PRKN: variants seen among roughly 807,000 people sequenced by gnomAD.
PRKN encodes parkin RBR E3 ubiquitin protein ligase, also known as E3 ubiquitin-protein ligase parkin.
A neutral mutation model predicts 59.5 loss-of-function variants in PRKN; 56 were observed. The observed-to-expected ratio is 0.94, with a 90% confidence interval of 0.76 to 1.18. PRKN has a LOEUF of 1.18. PRKN is among the 50% of genes most tolerant of loss of function. The probability of loss-of-function intolerance (pLI) is 0.00; values close to 1 mark genes in which losing one functional copy is unlikely to be tolerated. For missense variants in PRKN, 657 were observed against 596.4 expected (o/e 1.10, Z -1.06); for synonymous variants, 250 against 222.1 (o/e 1.13, Z -1.12).
chr6:162,028,085 T>TC (rs1217670272), intron 5 of PRKN, among the ~76,000 whole-genome samples: 1 of 152,164 alleles, frequency 6.6e-6, no homozygotes, highest in African/African-American at 2.4e-5. Flanking sequence ...AACTGTCATG[T>TC]CATTAGGCTT....
Position 162,709,992 on chromosome 6 carries a change from G to T in PRKN, c.7+17670C>A, listed in dbSNP as rs899827993. On this transcript the variant is annotated intron_variant, in intron 1 of 11. Coordinates refer to ENST00000366898, the MANE Select transcript of PRKN (RefSeq NM_004562.3). ...AAATGAGTATGTAAACGGAACCGTG[G>T]ATATTGCTCACTCATTCTCCTCCAC... Among the ~76,000 whole-genome samples the T allele has an allele frequency of 2.0e-5, 3 of 152,230 alleles. No individual in the cohort carries two copies. The South Asian group carries it at 6.2e-4, about 32-fold the overall frequency.
At chr6:162,081,248 T>C (rs749372374) in intron 4 of PRKN, among the ~76,000 whole-genome samples, 7 of 152,102 alleles carry the variant, frequency 4.6e-5, no homozygotes, top group Non-Finnish European at 1.0e-4. Flanking sequence ...GTGAATCGTT[T>C]CCAGAAAGTT....
intron 9 of PRKN, among the ~76,000 whole-genome samples, chr6:161,478,884 A>C (rs1011476424): frequency 2.6e-5 from 4 of 152,200 alleles, no homozygotes; most frequent in African/African-American, 9.6e-5. Context: ...ATAAACAAGT[A>C]AATAAGTTTT....
intron 7 of PRKN, among the ~76,000 whole-genome samples, chr6:161,697,568 T>A (rs1786074457): frequency 6.6e-6 from 1 of 152,172 alleles, no homozygotes; most frequent in Admixed American, 6.5e-5. Context: ...TTGGTTAATT[T>A]GCTCCTCTGA....
chr6:161,819,399 G>A (rs1327804926), intron 6 of PRKN, among the ~76,000 whole-genome samples: 2 of 152,172 alleles, frequency 1.3e-5, no homozygotes, highest in Non-Finnish European at 2.9e-5. Context: ...GCTAAGGCAG[G>A]AGAATCGCTT....
At chr6:162,541,133 C>G (rs557645028) in intron 1 of PRKN, among the ~76,000 whole-genome samples, 8 of 152,250 alleles carry the variant, frequency 5.3e-5, no homozygotes, top group African/African-American at 1.7e-4. Context: ...TCCTAGGTGC[C>G]AGAGGTTGTT....
At chr6:161,567,079 C>T (rs576718426) in intron 8 of PRKN, among the ~76,000 whole-genome samples, 27 of 128,344 alleles carry the variant, frequency 2.1e-4, no homozygotes, top group African/African-American at 7.4e-4. Flanking sequence ...CACTCTGTAA[C>T]AAAGACTAGA....
At chr6:162,238,336 A>G (rs1023491898) in intron 3 of PRKN, among the ~76,000 whole-genome samples, 1 of 152,202 alleles carries the variant, frequency 6.6e-6, no homozygotes, top group Non-Finnish European at 1.5e-5. Flanking sequence ...GGTGTGCAGT[A>G]GGCTATACCA....
chr6:162,718,844 G>C (rs924678325), intron 1 of PRKN, among the ~76,000 whole-genome samples: 8 of 152,164 alleles, frequency 5.3e-5, no homozygotes, highest in South Asian at 2.1e-4. Flanking sequence ...TCAAGACACT[G>C]AGAATAAGAT....
intron 6 of PRKN, among the ~76,000 whole-genome samples, chr6:161,901,767 G>C (rs1043124478): frequency 2.0e-5 from 3 of 152,212 alleles, no homozygotes; most frequent in African/African-American, 7.2e-5. Flanking sequence ...GAAAGACTCA[G>C]TGATTTATGC....
In PRKN at chr6:161,548,770, TA is replaced by T; in HGVS notation, c.1083+83del. On this transcript the variant is annotated intron_variant, in intron 9 of 11. Transcript: ENST00000366898. The surrounding 1 kb of genome is among the most constrained non-coding windows in gnomAD (Gnocchi z 4.2). ...TCTAAGTCCAAAGGGAAAATGAAAATAAAATAAAAATATAATCCCAGCCCAT... is the reference window on the plus strand; with the variant it reads ...TCTAAGTCCAAAGGGAAAATGAAAATAAATAAAAATATAATCCCAGCCCAT... The T allele has an allele frequency of 7.8e-7, 1 of 1,275,554 alleles. No homozygotes were observed. Among genetic ancestry groups the T allele is most frequent in the Non-Finnish European group, 1.1e-6 (1 of 897,180 alleles). 79.0% of individuals were successfully genotyped at this position (1,275,554 alleles called of 1,614,324 possible). A position where few individuals can be genotyped will look rare whatever the true frequency, so the allele number is the denominator to read the frequency against.
chr6:161,781,359 CTT>C (rs1051826433), intron 7 of PRKN, among the ~76,000 whole-genome samples: 12 of 152,274 alleles, frequency 7.9e-5, no homozygotes, highest in African/African-American at 2.9e-4. Flanking sequence ...TCCAAAGAAA[CTT>C]TGCAACGCAA....
chr6:162,325,441 C>T lies in PRKN; in HGVS notation c.172-62676G>A, dbSNP rs1783226822. Among the ~76,000 whole-genome samples, 2 of 152,140 alleles carry T rather than the reference C, an allele frequency of 1.3e-5. 1 individual carries two copies. The highest frequency in any genetic ancestry group is 1.3e-4 in the Admixed American group (2 of 15,268). On this transcript the variant is annotated intron_variant, in intron 2 of 11. Transcript: ENST00000366898. ...CAATTTACTATAAAAATGTCAATGG[C>T]TCACTAGTGACCTAACCTCAAAGGA...
chr6:162,421,544 A>G (rs1788967032), intron 2 of PRKN, among the ~76,000 whole-genome samples: 1 of 152,202 alleles, frequency 6.6e-6, no homozygotes, highest in Admixed American at 6.6e-5. Context: ...GTAATCAGAA[A>G]TGATACAATA....
intron 9 of PRKN, among the ~76,000 whole-genome samples, chr6:161,422,833 C>T (rs1234070114): frequency 6.6e-6 from 1 of 152,056 alleles, no homozygotes; most frequent in East Asian, 1.9e-4. Context: ...TGGTAATTTC[C>T]CAGTGCCCTG....
chr6:161,799,499 G>A (rs1231033555), intron 6 of PRKN, among the ~76,000 whole-genome samples: 1 of 152,208 alleles, frequency 6.6e-6, no homozygotes, highest in Non-Finnish European at 1.5e-5. Context: ...AGTCCAGTTT[G>A]GAGAGCACCC....
At chr6:161,415,146 C>T (rs530414396) in intron 9 of PRKN, among the ~76,000 whole-genome samples, 1 of 152,208 alleles carries the variant, frequency 6.6e-6, no homozygotes, top group Non-Finnish European at 1.5e-5. Context: ...AGAATAACAC[C>T]GGAGAGGGGC....
chr6:162,301,826 A>G (rs1781973967), intron 2 of PRKN, among the ~76,000 whole-genome samples: 1 of 142,690 alleles, frequency 7.0e-6, no homozygotes, highest in South Asian at 2.2e-4. Context: ...AGGCATATTT[A>G]TTCTCAATGC....
At chr6:162,290,997 T>C (rs1347458836) in intron 2 of PRKN, among the ~76,000 whole-genome samples, 1 of 152,222 alleles carries the variant, frequency 6.6e-6, no homozygotes, top group Non-Finnish European at 1.5e-5. Flanking sequence ...AGTTCTGAGA[T>C]AGTAGGATAA....
Sources: gnomAD v4.1 joint callset for allele counts (sites outside exome capture counted in the v4.1 genomes callset) on GRCh38, gnomAD v4.1.1 for gene constraint, Gnocchi (gnomAD v3.1) non-coding constraint, MANE v1.5 for transcripts, NCBI Gene and HGNC (gene_info 2026-07-23, HGNC 2026-07-21) for gene names.